The following CGNL1 variants were observed in gnomAD, a reference collection of about 807,000 sequenced individuals.
CGNL1 encodes cingulin like 1.
CGNL1 carries 132 observed loss-of-function variants against 141.2 expected under a neutral mutation model. The observed-to-expected ratio is 0.93, with a 90% CI of 0.81 to 1.08. The LOEUF is 1.08. CGNL1 is among the 50% of genes least tolerant of loss of function. The pLI, the probability that CGNL1 is intolerant of heterozygous loss-of-function variation, is 0.00. For synonymous variants in CGNL1, 690 were observed against 622.1 expected (o/e 1.11, Z -1.63); for missense variants, 1,870 against 1,588.6 (o/e 1.18, Z -3.01).
intron 1 of CGNL1, among the ~76,000 whole-genome samples, chr15:57,419,794 C>T: frequency 6.6e-6 from 1 of 152,142 alleles, no homozygotes; most frequent in East Asian, 1.9e-4. Flanking sequence ...TTCTTTTCCC[C>T]CTCTTTCTAT....
At chr15:57,396,494 A>C (rs535992367) in intron 1 of CGNL1, among the ~76,000 whole-genome samples, 2 of 151,878 alleles carry the variant, frequency 1.3e-5, no homozygotes, top group South Asian at 4.2e-4. Flanking sequence ...GCTGGTCTTG[A>C]GCTCCTAACC....
chr15:57,538,346 C>T (rs2032376305), intron 14 of CGNL1, among the ~76,000 whole-genome samples: 1 of 152,258 alleles, frequency 6.6e-6, no homozygotes, highest in South Asian at 2.1e-4. Context: ...GCTCAGGTCA[C>T]AGTAACTGTT....
intron 1 of CGNL1, among the ~76,000 whole-genome samples, chr15:57,395,430 A>G (rs1225129437): frequency 1.3e-5 from 2 of 152,270 alleles, no homozygotes; most frequent in African/African-American, 2.4e-5. Context: ...CAGCAGCAGC[A>G]TAACTAGTGA....
Position 57,546,206 on chromosome 15 carries a change from A to G in CGNL1, c.3740A>G (p.Gln1247Arg), listed in dbSNP as rs1026442227. The change falls in exon 18 of 19, where the codon CAG (glutamine) becomes CGG (arginine). Residue 1247 changes from glutamine to arginine, a missense_variant. Gln to Arg is a conservative substitution (Grantham distance 43, BLOSUM62 1). Coordinates refer to ENST00000281282, the MANE Select transcript of CGNL1 (RefSeq NM_032866.5). ...CAGATGGACATGAATGAGCATCTGC[A>G]GGGGCAGCTCAACTCCATGAAGAAG... is the stretch of plus-strand genomic sequence containing the variant. Reference protein sequence around the residue: ...EEQMDMNEHLQGQLNSMKKDL... With the variant: ...EEQMDMNEHLRGQLNSMKKDL... 1.3e-6 allele frequency: 2 copies of G among 1,599,302 alleles called. No homozygotes were observed. The highest frequency in any genetic ancestry group is 1.7e-5 in the Admixed American group (1 of 57,842).
At chr15:57,389,628 T>C (rs1181174469) in intron 1 of CGNL1, among the ~76,000 whole-genome samples, 2 of 152,228 alleles carry the variant, frequency 1.3e-5, no homozygotes, top group Non-Finnish European at 2.9e-5. Flanking sequence ...GTGCCTTATG[T>C]ATAGGAGTGC....
chr15:57,509,296 C>A (rs747623301), intron 8 of CGNL1, among the ~76,000 whole-genome samples: 2 of 152,178 alleles, frequency 1.3e-5, no homozygotes, highest in Non-Finnish European at 2.9e-5. Context: ...CTCTGGATGT[C>A]CCGGCCTCCA....
intron 1 of CGNL1, among the ~76,000 whole-genome samples, chr15:57,420,019 G>T (rs1595684620): frequency 6.6e-6 from 1 of 152,076 alleles, no homozygotes; most frequent in South Asian, 2.1e-4. Context: ...ACTATTTTTT[G>T]GGCCATTGGG....
chr15:57,485,309 A>G (rs183090781), intron 8 of CGNL1, among the ~76,000 whole-genome samples: 78 of 152,254 alleles, frequency 5.1e-4, no homozygotes, highest in African/African-American at 1.7e-3. Context: ...GGTTTGTTTT[A>G]TGGCTCAGGA....
intron 8 of CGNL1, among the ~76,000 whole-genome samples, chr15:57,499,162 G>T (rs911870668): frequency 6.6e-6 from 1 of 151,704 alleles, no homozygotes; most frequent in Non-Finnish European, 1.5e-5. Context: ...GCTTGGAGTC[G>T]CATGGCAGTG....
At chr15:57,545,939 C>T (rs1401712201) in intron 17 of CGNL1, 137 bp from the exon 18 acceptor site, 3 of 1,001,434 alleles carry the variant, frequency 3.0e-6, no homozygotes, top group Admixed American at 5.3e-5. Flanking sequence ...TGCCTGCTCT[C>T]CATGTTTCCC....
At chr15:57,490,396 A>C (rs1050106183) in intron 8 of CGNL1, among the ~76,000 whole-genome samples, 2 of 125,828 alleles carry the variant, frequency 1.6e-5, no homozygotes, top group Non-Finnish European at 3.5e-5. Context: ...GAAGTGCTCC[A>C]AACACACACA....
At chr15:57,396,201 C>T (rs2062600078) in intron 1 of CGNL1, among the ~76,000 whole-genome samples, 1 of 151,274 alleles carries the variant, frequency 6.6e-6, no homozygotes, top group African/African-American at 2.4e-5. Context: ...CACTGTTGAT[C>T]TCTTCTACTG....
intron 8 of CGNL1, among the ~76,000 whole-genome samples, chr15:57,473,062 C>T (rs2063602911): frequency 6.6e-6 from 1 of 152,134 alleles, no homozygotes; most frequent in South Asian, 2.1e-4. Context: ...ACTGATGGCC[C>T]TACACCAGAT....
At chr15:57,386,356 G>A (rs2062483194) in intron 1 of CGNL1, among the ~76,000 whole-genome samples, 1 of 152,224 alleles carries the variant, frequency 6.6e-6, no homozygotes, top group Admixed American at 6.5e-5. Flanking sequence ...CTGCACGTGT[G>A]AAACTAGCTC....
rs1419703081 is a variant in CGNL1, at chr15:57,461,620, C to G, written c.2191-60C>G. 4.2e-6 allele frequency: 6 copies of G among 1,426,586 alleles called. No homozygotes were observed. The East Asian group carries it at 9.1e-5, about 22-fold the overall frequency. 88.4% of individuals were successfully genotyped at this position (1,426,586 alleles called of 1,614,324 possible). A position where few individuals can be genotyped will look rare whatever the true frequency, so the allele number is the denominator to read the frequency against. ...TGGGGACTGAACTGGAGGGGAGATA[C>G]AGGGCCTCTCAACAAGATGTTTCAT... On this transcript the variant is annotated intron_variant, in intron 7 of 18. Coordinates refer to ENST00000281282, the MANE Select transcript of CGNL1 (RefSeq NM_032866.5).
chr15:57,532,997 A>AT (rs1741856607), intron 14 of CGNL1, among the ~76,000 whole-genome samples: 1 of 152,194 alleles, frequency 6.6e-6, no homozygotes, highest in African/African-American at 2.4e-5. Context: ...GTGACCAAGA[A>AT]TTGGAAGTTC....
At chr15:57,515,818 A>C (rs1323516488) in intron 8 of CGNL1, among the ~76,000 whole-genome samples, 1 of 152,098 alleles carries the variant, frequency 6.6e-6, no homozygotes, top group Non-Finnish European at 1.5e-5. Context: ...TATATTGGAC[A>C]TGAAAAAAAT....
intron 1 of CGNL1, among the ~76,000 whole-genome samples, chr15:57,425,655 C>A (rs1214757097): frequency 1.3e-5 from 2 of 150,054 alleles, no homozygotes; most frequent in South Asian, 4.2e-4. Flanking sequence ...GTGGGAGAAT[C>A]GCTTGAACCT....
intron 8 of CGNL1, among the ~76,000 whole-genome samples, chr15:57,463,740 T>C (rs1390193196): frequency 6.6e-6 from 1 of 152,242 alleles, no homozygotes; most frequent in Non-Finnish European, 1.5e-5. Context: ...AGAAGTCCCT[T>C]CTCTGCCTAA....
Sources: allele counts gnomAD v4.1 joint callset (sites outside exome capture counted in the v4.1 genomes callset), GRCh38; gene constraint gnomAD v4.1.1; transcripts MANE v1.5; gene names NCBI Gene and HGNC (gene_info 2026-07-23, HGNC 2026-07-21).